The following VAMP4 variants were observed in gnomAD, a reference collection of about 807,000 sequenced individuals.
VAMP4 encodes vesicle-associated membrane protein 4.
A neutral mutation model predicts 23.5 loss-of-function variants in VAMP4; 19 were observed. The ratio of observed to expected loss-of-function variants is 0.81; its 90% CI spans 0.56 to 1.19. The LOEUF (loss-of-function observed/expected upper bound fraction) is 1.19. Ranked by LOEUF, VAMP4 falls within the 50% of genes most tolerant of loss-of-function variation. The pLI, the probability that VAMP4 is intolerant of heterozygous loss-of-function variation, is 0.00. For missense variants in VAMP4, 145 were observed against 168.6 expected (o/e 0.86, Z 0.78); for synonymous variants, 31 against 51.0 (o/e 0.61, Z 1.67).
chr1:171,714,645 AC>A (rs1654967755), intron 4 of VAMP4, among the ~76,000 whole-genome samples: 1 of 152,062 alleles, frequency 6.6e-6, no homozygotes, highest in Non-Finnish European at 1.5e-5. Context: ...GGTGGTGTGC[AC>A]CTGTAGTCTC....
chr1:171,707,156 C>T (rs1467179194), intron 6 of VAMP4, among the ~76,000 whole-genome samples: 1 of 152,094 alleles, frequency 6.6e-6, no homozygotes, highest in Non-Finnish European at 1.5e-5. Flanking sequence ...GAACAAAAAT[C>T]TGTTTGTCAT....
chr1:171,720,362 T>TA (rs985088751), intron 3 of VAMP4, among the ~76,000 whole-genome samples: 13 of 150,680 alleles, frequency 8.6e-5, no homozygotes, highest in East Asian at 5.8e-4. Flanking sequence ...CACTACAGGT[T>TA]AAAAAAAAAG....
At chr1:171,705,890 C>A (rs1341589141) in intron 7 of VAMP4, among the ~76,000 whole-genome samples, 1 of 151,894 alleles carries the variant, frequency 6.6e-6, no homozygotes, top group East Asian at 1.9e-4. Context: ...TTATGCTCAA[C>A]TACAGAACAA....
intron 2 of VAMP4, among the ~76,000 whole-genome samples, 193 bp downstream of exon 2, chr1:171,738,156 G>A (rs1467129738): frequency 1.3e-5 from 2 of 152,100 alleles, no homozygotes; most frequent in East Asian, 3.9e-4. Context: ...ATTATTTATA[G>A]AGACAGGGTC....
intron 2 of VAMP4, among the ~76,000 whole-genome samples, chr1:171,729,882 G>A (rs564336363): frequency 1.4e-4 from 22 of 152,252 alleles, no homozygotes; most frequent in Admixed American, 3.3e-4. Flanking sequence ...GGACTTTGCA[G>A]ATGTGATCAC....
chr1:171,721,981 G>A lies in VAMP4; in HGVS notation c.114-2760C>T, dbSNP rs188428652. Among the ~76,000 whole-genome samples the A allele has an allele frequency of 5.6e-3, 852 of 152,150 alleles. 7 individuals carry two copies. The highest frequency in any genetic ancestry group is 0.019 in the African/African-American group (800 of 41,506). ...AAGCCAAAAGAACAAAGTTGGAGGCGTCACGCTACCTGACTTCAAACTATA... is the reference window on the plus strand; with the variant it reads ...AAGCCAAAAGAACAAAGTTGGAGGCATCACGCTACCTGACTTCAAACTATA... On this transcript the variant is annotated intron_variant, in intron 3 of 7. Transcript: ENST00000236192.
chr1:171,714,722 C>CTA (rs1402537730), intron 4 of VAMP4, among the ~76,000 whole-genome samples: 4 of 152,186 alleles, frequency 2.6e-5, no homozygotes, highest in Non-Finnish European at 5.9e-5. Flanking sequence ...TGAGCCAAGA[C>CTA]TATACCACTG....
intron 3 of VAMP4, among the ~76,000 whole-genome samples, chr1:171,722,236 C>T (rs1483662560): frequency 3.3e-5 from 5 of 152,076 alleles, no homozygotes; most frequent in Non-Finnish European, 7.4e-5. Context: ...CTTCCTTACA[C>T]CTTATACAAA....
In VAMP4 at chr1:171,700,190, T is replaced by C. The variant is rs183459495; in HGVS notation, c.*4316A>G. 2.6e-5 allele frequency: 4 copies of C among 152,334 alleles called. No individual in the cohort carries two copies. In the East Asian group the frequency reaches 7.7e-4, roughly 29 times the overall value. The allele number at this position is 152,334 out of a possible 1,614,324, so 9.4% of individuals were successfully genotyped here. ...GTTTTCTATGAAATAGTTTATTTCA[T>C]TGTTCACTATGGAGGGGCTACAAAT... On this transcript the variant is annotated 3_prime_UTR_variant, in exon 8 of 8. Coordinates refer to ENST00000236192, the MANE Select transcript of VAMP4 (RefSeq NM_003762.5).
At chr1:171,739,003 G>A (rs962890798) in intron 1 of VAMP4, among the ~76,000 whole-genome samples, 2 of 152,224 alleles carry the variant, frequency 1.3e-5, no homozygotes, top group Non-Finnish European at 2.9e-5. Flanking sequence ...AAGTACTGGT[G>A]TGATATCGTG....
At chr1:171,729,429 C>T (rs891094530) in intron 2 of VAMP4, among the ~76,000 whole-genome samples, 1 of 152,142 alleles carries the variant, frequency 6.6e-6, no homozygotes, top group African/African-American at 2.4e-5. Flanking sequence ...GGTAATTTCA[C>T]ACAATATTTT....
chr1:171,729,752 C>T (rs1655498776), intron 2 of VAMP4, among the ~76,000 whole-genome samples: 1 of 152,152 alleles, frequency 6.6e-6, no homozygotes. Flanking sequence ...CTCCACCTCC[C>T]GGGTTCAAGT....
At chr1:171,720,089 T>A (rs144062788) in intron 3 of VAMP4, among the ~76,000 whole-genome samples, 149 of 152,014 alleles carry the variant, frequency 9.8e-4, no homozygotes, top group Admixed American at 3.3e-3. Flanking sequence ...TATATCATCT[T>A]GCCTTAGTTC....
chr1:171,729,885 G>A (rs1230643769), intron 2 of VAMP4, among the ~76,000 whole-genome samples: 1 of 152,170 alleles, frequency 6.6e-6, no homozygotes, highest in East Asian at 1.9e-4. Context: ...CTTTGCAGAT[G>A]TGATCACGGA....
At chr1:171,733,452 C>T (rs911188679) in intron 2 of VAMP4, among the ~76,000 whole-genome samples, 1 of 151,758 alleles carries the variant, frequency 6.6e-6, no homozygotes, top group African/African-American at 2.4e-5. Context: ...AAAGCCAGAC[C>T]CTGTCTCAAA....
chr1:171,709,891 C>T, intron 5 of VAMP4, 147 bp from the exon 6 acceptor site: 2 of 606,494 alleles, frequency 3.3e-6, no homozygotes, highest in South Asian at 2.2e-5. Context: ...CTTTTTTCCA[C>T]CCACAAACTC....
rs763093516 is a variant in VAMP4 at position 171,725,986 on chromosome 1, C to A, written c.113+2538G>T. On this transcript the variant is annotated intron_variant, in intron 3 of 7. Coordinates refer to ENST00000236192, the MANE Select transcript of VAMP4 (RefSeq NM_003762.5). ...TACAGGCGTGAGCCACTGTGCCTGG[C>A]CAGGTTTCCGTTAATTTTTATAAAA... is the stretch of plus-strand genomic sequence containing the variant. Among the ~76,000 whole-genome samples the A allele has an allele frequency of 3.3e-5, 5 of 151,716 alleles. 1 individual carries two copies. The highest frequency in any genetic ancestry group is 2.0e-4 in the Admixed American group (3 of 15,216).
chr1:171,724,788 T>C (rs1181113858), intron 3 of VAMP4, among the ~76,000 whole-genome samples: 1 of 152,126 alleles, frequency 6.6e-6, no homozygotes, highest in Non-Finnish European at 1.5e-5. Flanking sequence ...AGTGCAAAGT[T>C]GAAGGATATA....
rs1001185043 is a variant in VAMP4 at position 171,700,382 on chromosome 1, T to G, written c.*4124A>C. The G allele has an allele frequency of 1.3e-4, 20 of 152,000 alleles. No homozygotes were observed. Among genetic ancestry groups the G allele is most frequent in the Admixed American group, 2.0e-4 (3 of 15,244 alleles). 9.4% of individuals were successfully genotyped at this position (152,000 alleles called of 1,614,324 possible). On this transcript the variant is annotated 3_prime_UTR_variant, in exon 8 of 8. Coordinates refer to ENST00000236192, the MANE Select transcript of VAMP4 (RefSeq NM_003762.5). ...TTACCAAAGTGATTAAATAAGGGAG[T>G]GTGGAATTTAAAATAATGACATATA...
Sources: allele counts gnomAD v4.1 joint callset (sites outside exome capture counted in the v4.1 genomes callset), GRCh38; gene constraint gnomAD v4.1.1; transcripts MANE v1.5; gene names NCBI Gene and HGNC (gene_info 2026-07-23, HGNC 2026-07-21).